Variants in MAN2B1 observed in about 807,000 individuals in gnomAD.
The protein encoded by MAN2B1 is mannosidase alpha class 2B member 1.
Under a neutral mutation model 127.5 loss-of-function variants are expected in MAN2B1, and 99 were observed. That is an observed-to-expected ratio of 0.78 (90% CI 0.66 to 0.92). MAN2B1 has a LOEUF of 0.92. Among genes scored for constraint, MAN2B1 ranks in the 40% least tolerant of loss-of-function variants. The pLI is 0.00. For synonymous variants in MAN2B1, 573 were observed against 568.8 expected, an observed-to-expected ratio of 1.01 and a Z score of -0.11; for missense variants, 1,304 against 1,384.8, an observed-to-expected ratio of 0.94 and a Z score of 0.93.
rs1202067332 is a variant in MAN2B1, at chr19:12,649,908, C to T, written c.2267+5G>A. 6 of 1,611,962 alleles carry T rather than the reference C, an allele frequency of 3.7e-6. No individual in the cohort carries two copies. Among genetic ancestry groups the T allele is most frequent in the Non-Finnish European group, 5.1e-6 (6 of 1,178,988 alleles). On this transcript the variant is annotated splice_donor_5th_base_variant and intron_variant, in intron 18 of 23. Coordinates refer to ENST00000456935, the MANE Select transcript of MAN2B1 (RefSeq NM_000528.4). ...ACCCCCTCAGTGCTCTCAGTCACCC[C>T]CCACCTCCTCTCCAGGATCTCCCGG...
chr19:12,665,153 A>G, intron 3 of MAN2B1, 168 bp from the exon 4 acceptor site: 1 of 1,018,620 alleles, frequency 9.8e-7, no homozygotes, highest in Non-Finnish European at 1.5e-6. Flanking sequence ...GGCCCCCTGC[A>G]TGGCAGGCTT....
In MAN2B1 at chr19:12,658,478, G is replaced by A. The variant is rs200323310; in HGVS notation, c.1059C>T (p.Tyr353=). 6.8e-6 allele frequency: 11 copies of A among 1,614,196 alleles called. No homozygotes were observed. Among genetic ancestry groups the A allele is most frequent in the Non-Finnish European group, 9.3e-6 (11 of 1,180,030 alleles). The change falls in exon 8 of 24, where the codon TAC becomes TAT. Residue 353 remains tyrosine, a synonymous_variant. Transcript: ENST00000456935. The part of the protein sequence containing the change: ...QAKGSSVHVL[Y]STPACYLWEL... Reference sequence around the variant, plus strand: ...CCCAGAGGTAACAAGCGGGGGTGGAGTAGAGAACATGGACACTGCTTCCTT... The same window carrying A: ...CCCAGAGGTAACAAGCGGGGGTGGAATAGAGAACATGGACACTGCTTCCTT...
In MAN2B1 at chr19:12,663,801, T is replaced by C. The variant is rs767313931; in HGVS notation, c.665A>G (p.Asp222Gly). Residue 222 changes from aspartate to glycine, a missense_variant, in exon 5 of 24, where the codon GAT (aspartate) becomes GGT (glycine). By Grantham distance (94) the Asp-to-Gly change is moderately conservative. Coordinates refer to ENST00000456935, the MANE Select transcript of MAN2B1 (RefSeq NM_000528.4). ...GFDGFFFGRL[D>G]YQDKWVRMQK... The stretch of plus-strand genomic sequence containing the variant: ...CATCCGTACCCACTTATCTTGATAA[T>C]CAAGGCGCCCAAAGAAGAAGCCGTC... The C allele has an allele frequency of 4.3e-6, 7 of 1,614,010 alleles. No individual in the cohort carries two copies. In the Admixed American group the frequency reaches 5.0e-5, roughly 12 times the overall value.
intron 14 of MAN2B1, among the ~76,000 whole-genome samples, chr19:12,653,389 C>CA (rs745346529): frequency 1.4e-4 from 2 of 14,150 alleles, no homozygotes; most frequent in Non-Finnish European, 1.3e-3. Context: ...TCATGATCCA[C>CA]CCCCCCCTCA....
At chr19:12,648,427 G>A (rs1354423946) in intron 20 of MAN2B1, 25 bp from the exon 21 acceptor site, 1 of 1,579,044 alleles carries the variant, frequency 6.3e-7, no homozygotes. Context: ...GCCAGGAGGG[G>A]GTGAGAGTCG....
rs916639793 is a variant in MAN2B1 at position 12,647,865 on chromosome 19, G to A, written c.2665-267C>T. Among the ~76,000 whole-genome samples, 2 of 151,304 alleles carry A rather than the reference G, an allele frequency of 1.3e-5. No homozygotes were observed. Among genetic ancestry groups the A allele is most frequent in the East Asian group, 3.9e-4 (2 of 5,132 alleles). ...CTTTGGGAGTTACGGCGGGGCTGAA[G>A]CCGCGGGGCTGGGTGAGGCAGGACA... On this transcript the variant is annotated intron_variant, in intron 21 of 23. Coordinates refer to ENST00000456935, the MANE Select transcript of MAN2B1 (RefSeq NM_000528.4). The surrounding 1 kb of genome is among the most constrained non-coding windows in gnomAD (Gnocchi z 4.9).
At chr19:12,655,972 T>A in intron 13 of MAN2B1, 93 bp from the exon 14 acceptor site, 1 of 983,164 alleles carries the variant, frequency 1.0e-6, no homozygotes, top group Non-Finnish European at 1.6e-6. Context: ...AAAAGAGTCC[T>A]GAGATGGGGA....
Position 12,647,138 on chromosome 19 carries a change from G to A in MAN2B1, c.2923+95C>T, listed in dbSNP as rs1484981000. 1 of 1,195,104 alleles carries A rather than the reference G, an allele frequency of 8.4e-7. No homozygotes were observed. The highest frequency in any genetic ancestry group is 1.5e-5 in the African/African-American group (1 of 66,470). The allele number at this position is 1,195,104 out of a possible 1,614,324, so 74.0% of individuals were successfully genotyped here. A position where few individuals can be genotyped will look rare whatever the true frequency, so the allele number is the denominator to read the frequency against. On this transcript the variant is annotated intron_variant, in intron 23 of 23. Coordinates refer to ENST00000456935, the MANE Select transcript of MAN2B1 (RefSeq NM_000528.4). The surrounding 1 kb of genome is among the most constrained non-coding windows in gnomAD (Gnocchi z 4.9). ...TGCCCCATACCCTCATGACCTTTTT[G>A]GGTCCTGGCCAACATCCCATGCCTC...
intron 7 of MAN2B1, 123 bp from the exon 8 acceptor site, chr19:12,658,633 C>T (rs958975911): frequency 2.4e-5 from 22 of 899,818 alleles, no homozygotes; most frequent in Admixed American, 2.4e-4. Flanking sequence ...ACATATTTGG[C>T]GTGCAAGCCA....
intron 20 of MAN2B1, among the ~76,000 whole-genome samples, chr19:12,648,785 A>C (rs557230140): frequency 1.2e-4 from 19 of 152,228 alleles, no homozygotes; most frequent in Admixed American, 4.6e-4. Context: ...ACCTGAGGTA[A>C]GGAGTTCGAG....
chr19:12,662,579 G>A (rs961585311), intron 6 of MAN2B1, among the ~76,000 whole-genome samples: 3 of 152,014 alleles, frequency 2.0e-5, no homozygotes, highest in South Asian at 2.1e-4. Flanking sequence ...GCAGTGAGCC[G>A]AGATCGTGCC....
intron 3 of MAN2B1, 56 bp from the exon 4 acceptor site, chr19:12,665,041 G>A: frequency 6.7e-7 from 1 of 1,501,600 alleles, no homozygotes; most frequent in Middle Eastern, 1.7e-4. Context: ...GTGGGAGTAG[G>A]GTGGGTGATA....
At chr19:12,649,849 C>CCCCCCCCCCCCGGG in intron 18 of MAN2B1, 64 bp downstream of exon 18, 1 of 1,370,366 alleles carries the variant, frequency 7.3e-7, no homozygotes. Context: ...GCAAATTTCC[C>CCCCCCCCCCCCGGG]TCACCACCCC....
At chr19:12,666,428 G>A in intron 1 of MAN2B1, 115 bp downstream of exon 1, 1 of 1,193,842 alleles carries the variant, frequency 8.4e-7, no homozygotes, top group Non-Finnish European at 1.2e-6. Flanking sequence ...AGACCACACT[G>A]TCATATCATC....
Position 12,658,122 on chromosome 19 carries a change from G to T in MAN2B1, c.1250C>A (p.Ala417Glu), listed in dbSNP as rs762379857. The change falls in exon 10 of 24, where the codon GCG becomes GAG. Residue 417 changes from alanine to glutamate, a missense_variant. By Grantham distance (107) the Ala-to-Glu change is moderately radical. Transcript: ENST00000456935. ...CACGTTGGCCGCCAGGCCCACCAGC[G>T]CCTCCAGCTGGTTGCACACCTGGAG... ...NFLQVCNQLE[A>E]LVGLAANVGP... The T allele has an allele frequency of 1.9e-6, 3 of 1,613,516 alleles. No individual in the cohort carries two copies. The highest frequency in any genetic ancestry group is 2.5e-6 in the Non-Finnish European group (3 of 1,179,992).
At position 12,647,145 on chromosome 19, in the gene MAN2B1, G is replaced by A. The variant is rs1426738784; in HGVS notation, c.2923+88C>T. 8 of 1,277,702 alleles carry A rather than the reference G, an allele frequency of 6.3e-6. No homozygotes were observed. The highest frequency in any genetic ancestry group is 9.1e-6 in the Non-Finnish European group (8 of 876,386). The allele number at this position is 1,277,702 out of a possible 1,614,324, so 79.1% of individuals were successfully genotyped here. A position where few individuals can be genotyped will look rare whatever the true frequency, so the allele number is the denominator to read the frequency against. On this transcript the variant is annotated intron_variant, in intron 23 of 23. Transcript: ENST00000456935. The surrounding 1 kb of genome is among the most constrained non-coding windows in gnomAD (Gnocchi z 4.9). ...TACCCTCATGACCTTTTTGGGTCCT[G>A]GCCAACATCCCATGCCTCACACATT...
chr19:12,647,756 G>A lies in MAN2B1; in HGVS notation c.2665-158C>T. 2 of 650,616 alleles carry A rather than the reference G, an allele frequency of 3.1e-6. No homozygotes were observed. The highest frequency in any genetic ancestry group is 5.2e-6 in the Non-Finnish European group (2 of 381,114). The allele number at this position is 650,616 out of a possible 1,614,324, so 40.3% of individuals were successfully genotyped here. ...GAGAGGAGCGGCCAGGGCCGTGACA[G>A]GGAGGACTGAGCCAATGGGGAGATG... On this transcript the variant is annotated intron_variant, in intron 21 of 23. Transcript: ENST00000456935. The surrounding 1 kb of genome is among the most constrained non-coding windows in gnomAD (Gnocchi z 4.9).
intron 18 of MAN2B1, 112 bp from the exon 19 acceptor site, chr19:12,649,540 G>C (rs1462385106): frequency 1.4e-6 from 1 of 692,356 alleles, no homozygotes; most frequent in Non-Finnish European, 2.5e-6. Flanking sequence ...GGAGTGCAGT[G>C]GCGCGATCTC....
chr19:12,664,737 AG>A, intron 4 of MAN2B1, 54 bp downstream of exon 4: 1 of 1,558,366 alleles, frequency 6.4e-7, no homozygotes, highest in Non-Finnish European at 8.8e-7. Flanking sequence ...TGACTGGGCG[AG>A]GGAGGAGCCA....
Sources: allele counts gnomAD v4.1 joint callset (sites outside exome capture counted in the v4.1 genomes callset), GRCh38; gene constraint gnomAD v4.1.1; non-coding constraint Gnocchi (gnomAD v3.1); transcripts MANE v1.5; gene names NCBI Gene and HGNC (gene_info 2026-07-23, HGNC 2026-07-21).